PDE4B: variants seen among roughly 807,000 people sequenced by gnomAD.
The protein encoded by PDE4B is 3',5'-cyclic-AMP phosphodiesterase 4B.
A neutral mutation model predicts 82.2 loss-of-function variants in PDE4B; 20 were observed. The ratio of observed to expected loss-of-function variants is 0.24; its 90% CI spans 0.17 to 0.35. The LOEUF (loss-of-function observed/expected upper bound fraction) is 0.35, where lower values mean the gene tolerates loss of function less well. PDE4B is among the 10% of genes least tolerant of loss of function. The pLI, the probability that PDE4B is intolerant of heterozygous loss-of-function variation, is 1.00. For missense variants in PDE4B, 655 were observed against 907.2 expected (o/e 0.72, Z 3.57); for synonymous variants, 320 against 318.9 (o/e 1.00, Z -0.04).
chr1:66,149,569 T>A (rs1259634727), intron 3 of PDE4B, among the ~76,000 whole-genome samples: 1 of 152,200 alleles, frequency 6.6e-6, no homozygotes, highest in East Asian at 1.9e-4. Flanking sequence ...CTTCTGCAAC[T>A]TAAGGTTTGG....
chr1:66,199,546 A>G (rs1034334665), intron 3 of PDE4B, among the ~76,000 whole-genome samples: 5 of 151,724 alleles, frequency 3.3e-5, no homozygotes, highest in African/African-American at 9.7e-5. Flanking sequence ...GGTTGCAAAA[A>G]TTTTCTCCCA....
chr1:66,350,735 C>A (rs1402792462), intron 8 of PDE4B, among the ~76,000 whole-genome samples: 4 of 152,148 alleles, frequency 2.6e-5, no homozygotes. Context: ...GCCTATCTTG[C>A]CTGCGGATCT....
chr1:65,902,436 T>C (rs1488495459), intron 1 of PDE4B, among the ~76,000 whole-genome samples: 2 of 152,156 alleles, frequency 1.3e-5, no homozygotes, highest in East Asian at 3.9e-4. Context: ...CTACTTTCCT[T>C]CATCTTCCTG....
At chr1:65,934,534 A>G (rs755244667) in intron 3 of PDE4B, among the ~76,000 whole-genome samples, 3 of 152,226 alleles carry the variant, frequency 2.0e-5, no homozygotes, top group Non-Finnish European at 4.4e-5. Context: ...ATTTTTCTCT[A>G]TCAATGCTTA....
At chr1:65,894,091 C>T (rs1557803066) in intron 1 of PDE4B, among the ~76,000 whole-genome samples, 1 of 151,740 alleles carries the variant, frequency 6.6e-6, no homozygotes, top group African/African-American at 2.4e-5. Context: ...GAAATCACCA[C>T]TAAAGAACTT....
intron 3 of PDE4B, among the ~76,000 whole-genome samples, chr1:66,077,216 A>G (rs974588557): frequency 1.3e-5 from 2 of 152,064 alleles, no homozygotes; most frequent in Non-Finnish European, 2.9e-5. Flanking sequence ...GTTCAGTTTC[A>G]TTCTTCTAGG....
At chr1:65,889,296 G>T (rs1020699447) in intron 1 of PDE4B, among the ~76,000 whole-genome samples, 3 of 151,982 alleles carry the variant, frequency 2.0e-5, no homozygotes, top group Admixed American at 6.6e-5. Flanking sequence ...CTTGATCATG[G>T]TGTATTATCT....
intron 3 of PDE4B, among the ~76,000 whole-genome samples, chr1:66,164,535 C>CAAAAAAA: frequency 0.013 from 623 of 48,546 alleles, 3 homozygotes; most frequent in Non-Finnish European, 0.016. Flanking sequence ...GACTCCGTCT[C>CAAAAAAA]AAAAAAAAAA....
At chr1:66,022,446 T>G (rs113321543) in intron 3 of PDE4B, among the ~76,000 whole-genome samples, 3,206 of 152,300 alleles carry the variant, frequency 0.021, 112 homozygotes, top group African/African-American at 0.073. Flanking sequence ...TGTGGGTTTG[T>G]CATAAATGGC....
chr1:65,924,157 C>T (rs1569698553), intron 3 of PDE4B, among the ~76,000 whole-genome samples: 3 of 115,644 alleles, frequency 2.6e-5, no homozygotes, highest in South Asian at 3.1e-4. Context: ...TCACTGCAAG[C>T]TCCGCCTCCC....
chr1:66,293,285 A>G (rs893579462), intron 7 of PDE4B, among the ~76,000 whole-genome samples: 1 of 152,144 alleles, frequency 6.6e-6, no homozygotes. Context: ...AGAGTAACTA[A>G]AATGTGACAG....
chr1:66,067,706 G>C (rs1296861396), intron 3 of PDE4B, among the ~76,000 whole-genome samples: 3 of 151,970 alleles, frequency 2.0e-5, no homozygotes, highest in Non-Finnish European at 2.9e-5. Flanking sequence ...GATTCCATTT[G>C]TCAATTTTGG....
At chr1:65,922,711 C>G (rs988657462) in intron 3 of PDE4B, among the ~76,000 whole-genome samples, 7 of 152,036 alleles carry the variant, frequency 4.6e-5, no homozygotes, top group African/African-American at 1.7e-4. Context: ...ATGGCCAGTT[C>G]CCCCTTATGA....
At chr1:66,150,375 AT>A (rs1453020725) in intron 3 of PDE4B, among the ~76,000 whole-genome samples, 1 of 152,170 alleles carries the variant, frequency 6.6e-6, no homozygotes, top group Non-Finnish European at 1.5e-5. Flanking sequence ...TGATTTTTAT[AT>A]GTTGATCTTT....
At chr1:66,064,172 A>G (rs1001814019) in intron 3 of PDE4B, among the ~76,000 whole-genome samples, 1 of 151,996 alleles carries the variant, frequency 6.6e-6, no homozygotes, top group African/African-American at 2.4e-5. Context: ...TTTATCAGCA[A>G]AAATAGAATT....
At chr1:65,988,528 T>C (rs1651071098) in intron 3 of PDE4B, among the ~76,000 whole-genome samples, 1 of 152,056 alleles carries the variant, frequency 6.6e-6, no homozygotes. Flanking sequence ...AATGGTTGTG[T>C]GTTGTTTTAG....
chr1:66,212,916 A>G (rs1650177479), intron 3 of PDE4B, among the ~76,000 whole-genome samples: 1 of 152,220 alleles, frequency 6.6e-6, no homozygotes, highest in East Asian at 1.9e-4. Flanking sequence ...CAGCTGTTCA[A>G]GTCACCTGGC....
At chr1:66,138,880 C>G (rs1646113709) in intron 3 of PDE4B, among the ~76,000 whole-genome samples, 1 of 152,184 alleles carries the variant, frequency 6.6e-6, no homozygotes. Context: ...ATAGGTTCTA[C>G]TAACACTGAA....
intron 3 of PDE4B, among the ~76,000 whole-genome samples, chr1:65,958,200 AT>A (rs544068372): frequency 1.3e-5 from 2 of 151,686 alleles, no homozygotes; most frequent in Admixed American, 6.6e-5. Flanking sequence ...CTTGTGTTGG[AT>A]TTTTTTTAAA....
Sources: gnomAD v4.1 joint callset for allele counts (sites outside exome capture counted in the v4.1 genomes callset) on GRCh38, gnomAD v4.1.1 for gene constraint, MANE v1.5 for transcripts, NCBI Gene and HGNC (gene_info 2026-07-23, HGNC 2026-07-21) for gene names.